The following SPO11 variants were observed in gnomAD, a reference collection of about 807,000 sequenced individuals.
SPO11 encodes SPO11 initiator of meiotic double strand breaks, also known as meiotic recombination protein SPO11.
In SPO11, 49 loss-of-function variants were observed where a neutral mutation model predicts 51.6. The ratio of observed to expected loss-of-function variants is 0.95; its 90% CI spans 0.75 to 1.20. SPO11 has a LOEUF of 1.20. Among genes scored for constraint, SPO11 ranks in the 50% most tolerant of loss-of-function variants. SPO11 has a pLI of 0.00. For missense variants in SPO11, 431 were observed against 473.4 expected, an observed-to-expected ratio of 0.91 and a Z score of 0.83; for synonymous variants, 176 against 158.2, an observed-to-expected ratio of 1.11 and a Z score of -0.84.
intron 1 of SPO11, among the ~76,000 whole-genome samples, chr20:57,330,351 A>G (rs778812771): frequency 2.6e-5 from 4 of 151,964 alleles, no homozygotes; most frequent in Non-Finnish European, 5.9e-5. Flanking sequence ...TTTTGGGATA[A>G]AATTTTTGGT....
At position 57,329,804 on chromosome 20, in the gene SPO11, G is replaced by A. The variant is rs2066418968; in HGVS notation, c.-64G>A. The A allele has an allele frequency of 1.3e-6, 2 of 1,525,796 alleles. No individual in the cohort carries two copies. The highest frequency in any genetic ancestry group is 1.3e-5 in the South Asian group (1 of 79,558). 94.5% of individuals were successfully genotyped at this position (1,525,796 alleles called of 1,614,324 possible). On this transcript the variant is annotated 5_prime_UTR_variant, in exon 1 of 13. Coordinates refer to ENST00000371263, the MANE Select transcript of SPO11 (RefSeq NM_012444.3). ...TCAGAAAGCGCGGGAAAGGCACGCA[G>A]CCACGCCCCAAGGGCGCAGCCTAGG...
chr20:57,334,927 C>A (rs938316262), intron 6 of SPO11, 91 bp downstream of exon 6: 1 of 1,064,808 alleles, frequency 9.4e-7, no homozygotes, highest in Non-Finnish European at 1.4e-6. Flanking sequence ...TATTATGTAA[C>A]CTAGAGCTTA....
intron 12 of SPO11, 141 bp from the exon 13 acceptor site, chr20:57,343,200 A>C: frequency 1.1e-6 from 1 of 874,022 alleles, no homozygotes; most frequent in Non-Finnish European, 1.8e-6. Flanking sequence ...TAGCTGTAGC[A>C]GCTCTGGAAT....
chr20:57,335,500 T>C (rs1370383834), intron 7 of SPO11, 45 bp downstream of exon 7: 7 of 1,567,334 alleles, frequency 4.5e-6, no homozygotes, highest in African/African-American at 1.4e-5. Flanking sequence ...GGAATGTTCA[T>C]TCATTCATTA....
intron 1 of SPO11, among the ~76,000 whole-genome samples, chr20:57,330,324 T>C (rs2066431444): frequency 6.6e-6 from 1 of 152,200 alleles, no homozygotes; most frequent in African/African-American, 2.4e-5. Flanking sequence ...CAGTTAGCTT[T>C]GTATTTTTTA....
At position 57,343,571 on chromosome 20, in the gene SPO11, GAAATA is replaced by G; in HGVS notation, c.*118_*122del. 1 of 1,200,832 alleles carries G rather than the reference GAAATA, an allele frequency of 8.3e-7. No homozygotes were observed. Among genetic ancestry groups the G allele is most frequent in the Non-Finnish European group, 1.1e-6 (1 of 888,078 alleles). The allele number at this position is 1,200,832 out of a possible 1,614,324, so 74.4% of individuals were successfully genotyped here. ...ATTATATTCTTAATTCTGTAAAAGT[GAAATA>G]AAATAACTTTCCGTTAATTATATAT... On this transcript the variant is annotated 3_prime_UTR_variant, in exon 13 of 13. Coordinates refer to ENST00000371263, the MANE Select transcript of SPO11 (RefSeq NM_012444.3).
chr20:57,334,069 A>C lies in SPO11; in HGVS notation c.484A>C (p.Lys162Gln), dbSNP rs527296870. The C allele has an allele frequency of 6.3e-7, 1 of 1,585,066 alleles. No individual in the cohort carries two copies. The highest frequency in any genetic ancestry group is 1.2e-5 in the South Asian group (1 of 85,562). ...NIINDISCML[K>Q]VSRRSLHILS... Reference sequence around the variant, plus strand: ...TATCAATGACATTTCTTGCATGTTAAAAGTGTCAAGGAGGAGTCTACATAT... The same window carrying C: ...TATCAATGACATTTCTTGCATGTTACAAGTGTCAAGGAGGAGTCTACATAT... The change falls in exon 5 of 13, where the codon AAA (lysine) becomes CAA (glutamine). Residue 162 changes from lysine (K) to glutamine (Q), a missense_variant. This residue lies in a region of SPO11 where 405 missense variants were observed against 425.9 expected (regional missense o/e 0.95). Transcript: ENST00000371263.
At position 57,329,895 on chromosome 20, in the gene SPO11, G is replaced by T. The variant is rs749547810; in HGVS notation, c.28G>T (p.Ala10Ser). MAFAPMGPEASFFDVLDRHR... is the reference protein window; with the variant it reads MAFAPMGPESSFFDVLDRHR... The stretch of plus-strand genomic sequence containing the variant: ...GGCCTTTGCACCTATGGGGCCCGAG[G>T]CCTCGTTCTTCGACGTTTTGGACCG... Residue 10 changes from alanine to serine, a missense_variant, in exon 1 of 13, where the codon GCC becomes TCC. This residue lies in a region of SPO11 where 405 missense variants were observed against 425.9 expected (regional missense o/e 0.95). Transcript: ENST00000371263. 6.2e-7 allele frequency: 1 copy of T among 1,613,848 alleles called. No homozygotes were observed.
intron 9 of SPO11, among the ~76,000 whole-genome samples, chr20:57,338,771 C>T (rs1191077434): frequency 2.0e-5 from 3 of 151,936 alleles, no homozygotes; most frequent in African/African-American, 7.3e-5. Flanking sequence ...ACTCTCGGGA[C>T]ACTTATGAAA....
Position 57,338,333 on chromosome 20 carries a change from T to C in SPO11, c.802T>C (p.Phe268Leu), listed in dbSNP as rs2066538261. The C allele has an allele frequency of 1.2e-6, 2 of 1,613,866 alleles. No homozygotes were observed. The highest frequency in any genetic ancestry group is 2.2e-5 in the East Asian group (1 of 44,892). Residue 268 changes from phenylalanine (F) to leucine (L), a missense_variant, in exon 9 of 13, where the codon TTT (phenylalanine) becomes CTT (leucine). By Grantham distance (22) the Phe-to-Leu change is conservative. Coordinates refer to ENST00000371263, the MANE Select transcript of SPO11 (RefSeq NM_012444.3). ...TTTAGTCAAGAAACTGTGGGATACA[T>C]TTCATGTTCCTGTTTTCACTCTTGT... Reference protein sequence around the residue: ...RLLVKKLWDTFHVPVFTLVDA... With the variant: ...RLLVKKLWDTLHVPVFTLVDA...
intron 11 of SPO11, among the ~76,000 whole-genome samples, chr20:57,341,757 C>CAAAA (rs1391612165): frequency 4.6e-5 from 7 of 152,008 alleles, no homozygotes; most frequent in Non-Finnish European, 2.9e-5. Flanking sequence ...TGTATAAAAA[C>CAAAA]AATTTTAACA....
rs2066498352 is a variant in SPO11 at position 57,335,288 on chromosome 20, A to AT, written c.598-125dup. The AT allele has an allele frequency of 5.4e-6, 4 of 739,718 alleles. No individual in the cohort carries two copies. In the East Asian group the frequency reaches 8.3e-5, roughly 15 times the overall value. 45.8% of individuals were successfully genotyped at this position (739,718 alleles called of 1,614,324 possible). Reference sequence around the variant, plus strand: ...CTGAGGGGTAAAGCTGTTTTCTACTATTTTTTAACAGAGGAAGAAGTCTCT... The same window carrying AT: ...CTGAGGGGTAAAGCTGTTTTCTACTATTTTTTTAACAGAGGAAGAAGTCTCT... On this transcript the variant is annotated intron_variant, in intron 6 of 12. Coordinates refer to ENST00000371263, the MANE Select transcript of SPO11 (RefSeq NM_012444.3).
At chr20:57,334,913 G>T (rs759188716) in intron 6 of SPO11, 77 bp downstream of exon 6, 5 of 1,240,712 alleles carry the variant, frequency 4.0e-6, no homozygotes, top group Non-Finnish European at 5.7e-6. Context: ...TTTATTTCTT[G>T]CTTTATTATG....
intron 2 of SPO11, 60 bp from the exon 3 acceptor site, chr20:57,333,128 T>C: frequency 8.2e-7 from 1 of 1,216,784 alleles, no homozygotes; most frequent in South Asian, 1.3e-5. Context: ...AAGTATATAT[T>C]GTTTGGTGTT....
At chr20:57,342,684 A>T in intron 11 of SPO11, 45 bp from the exon 12 acceptor site, 1 of 1,265,542 alleles carries the variant, frequency 7.9e-7, no homozygotes, top group Non-Finnish European at 1.1e-6. Context: ...CATTCAAGTT[A>T]CAGAAACACT....
At chr20:57,336,189 T>G (rs576624281) in intron 8 of SPO11, among the ~76,000 whole-genome samples, 32 of 152,272 alleles carry the variant, frequency 2.1e-4, no homozygotes, top group African/African-American at 7.5e-4. Context: ...AGTTCATGTT[T>G]CTAAAACCAC....
intron 8 of SPO11, among the ~76,000 whole-genome samples, chr20:57,336,885 A>T (rs915850982): frequency 6.6e-6 from 1 of 152,152 alleles, no homozygotes; most frequent in African/African-American, 2.4e-5. Flanking sequence ...TGGCCTTAGG[A>T]GGTAGGTACT....
chr20:57,340,046 A>T, intron 10 of SPO11, 56 bp from the exon 11 acceptor site: 1 of 1,198,530 alleles, frequency 8.3e-7, no homozygotes, highest in Non-Finnish European at 1.2e-6. Flanking sequence ...GAAAAACAAG[A>T]ATGCTAGTTT....
chr20:57,336,736 G>A (rs1289236809), intron 8 of SPO11, among the ~76,000 whole-genome samples: 4 of 152,124 alleles, frequency 2.6e-5, no homozygotes, highest in Admixed American at 6.5e-5. Flanking sequence ...CTGTGTTCAT[G>A]TGCTATTATT....
Sources: allele counts gnomAD v4.1 joint callset (sites outside exome capture counted in the v4.1 genomes callset), GRCh38; gene constraint gnomAD v4.1.1; regional missense constraint gnomAD v4.1.1; transcripts MANE v1.5; gene names NCBI Gene and HGNC (gene_info 2026-07-23, HGNC 2026-07-21).